Variants in ADCY9 observed in about 807,000 individuals in gnomAD.
ADCY9 encodes adenylate cyclase 9, also known as adenylate cyclase type 9.
In ADCY9, 50 loss-of-function variants were observed where a neutral mutation model predicts 101.5. The ratio of observed to expected loss-of-function variants is 0.49; its 90% CI spans 0.39 to 0.62. The LOEUF (loss-of-function observed/expected upper bound fraction) is 0.62, where lower values mean the gene tolerates loss of function less well. Among genes scored for constraint, ADCY9 ranks in the 20% least tolerant of loss-of-function variants. ADCY9 has a pLI of 0.00. For missense variants in ADCY9, 1,662 were observed against 1,800.4 expected (o/e 0.92, Z 1.39); for synonymous variants, 905 against 769.3 (o/e 1.18, Z -2.92).
intron 2 of ADCY9, among the ~76,000 whole-genome samples, chr16:4,064,433 CTTCACTT>C (rs1460713133): frequency 6.6e-6 from 1 of 152,122 alleles, no homozygotes; most frequent in Non-Finnish European, 1.5e-5. Context: ...ATACTACTCT[CTTCACTT>C]TTGTTTATGT....
chr16:4,061,871 A>G (rs1041227689), intron 2 of ADCY9, among the ~76,000 whole-genome samples: 17 of 152,276 alleles, frequency 1.1e-4, no homozygotes, highest in African/African-American at 3.6e-4. Context: ...AGACAAGTAC[A>G]TATAACAATA....
chr16:3,988,734 C>T (rs1351287221), intron 6 of ADCY9, among the ~76,000 whole-genome samples: 2 of 152,054 alleles, frequency 1.3e-5, no homozygotes, highest in Non-Finnish European at 2.9e-5. Context: ...CTGGGGATAG[C>T]CTGGAGATGC....
At position 3,966,118 on chromosome 16, in the gene ADCY9, T is replaced by A; in HGVS notation, c.3719A>T (p.Tyr1240Phe). 6.2e-7 allele frequency: 1 copy of A among 1,614,202 alleles called. No individual in the cohort carries two copies. Among genetic ancestry groups the A allele is most frequent in the Non-Finnish European group, 8.5e-7 (1 of 1,180,030 alleles). ...NVKGKGQMKT[Y>F]LYPKCTDHRV... ...GTGATCCGTGCACTTTGGGTACAGG[T>A]AGGTCTTCATCTGGCCTTTCCCCTT... Residue 1240 changes from tyrosine (Y) to phenylalanine (F), a missense_variant, in exon 11 of 11, where the codon TAC (tyrosine) becomes TTC (phenylalanine). Coordinates refer to ENST00000294016, the MANE Select transcript of ADCY9 (RefSeq NM_001116.4).
At chr16:4,082,727 T>G (rs1412765337) in intron 2 of ADCY9, among the ~76,000 whole-genome samples, 1 of 139,468 alleles carries the variant, frequency 7.2e-6, no homozygotes, top group African/African-American at 2.7e-5. Context: ...CGCACACACA[T>G]GCACACCCAC....
intron 2 of ADCY9, among the ~76,000 whole-genome samples, chr16:4,097,840 C>G (rs1210251695): frequency 6.6e-6 from 1 of 151,680 alleles, no homozygotes; most frequent in African/African-American, 2.4e-5. Flanking sequence ...AGCCACCATA[C>G]CAGGCTTATA....
intron 6 of ADCY9, chr16:3,984,080 A>T (rs2056169894): frequency 6.6e-6 from 1 of 151,510 alleles, no homozygotes; most frequent in Non-Finnish European, 1.5e-5. Flanking sequence ...CGAAAACAAA[A>T]AAACACAAAA....
At chr16:4,060,155 G>A (rs1369695468) in intron 2 of ADCY9, among the ~76,000 whole-genome samples, 1 of 152,192 alleles carries the variant, frequency 6.6e-6, no homozygotes, top group Non-Finnish European at 1.5e-5. Flanking sequence ...GAAATGTACA[G>A]AAGGTCAACA....
intron 6 of ADCY9, among the ~76,000 whole-genome samples, chr16:3,985,486 G>C (rs1231184685): frequency 6.6e-6 from 1 of 152,220 alleles, no homozygotes; most frequent in South Asian, 2.1e-4. Flanking sequence ...CACCTTGGCA[G>C]AGGCCCACGC....
At chr16:4,044,310 G>A (rs2056647452) in intron 2 of ADCY9, among the ~76,000 whole-genome samples, 1 of 151,732 alleles carries the variant, frequency 6.6e-6, no homozygotes, top group South Asian at 2.1e-4. Context: ...TCGCACCACT[G>A]CACTCCATCC....
chr16:4,006,201 T>A (rs933196875), intron 3 of ADCY9, among the ~76,000 whole-genome samples: 6 of 152,164 alleles, frequency 3.9e-5, no homozygotes, highest in South Asian at 2.1e-4. Flanking sequence ...GTGGGTATGC[T>A]GCCATCTGGC....
At chr16:3,998,789 A>C (rs2056309969) in intron 3 of ADCY9, among the ~76,000 whole-genome samples, 1 of 85,908 alleles carries the variant, frequency 1.2e-5, no homozygotes, top group African/African-American at 3.7e-5. Context: ...AAAAGAAAAG[A>C]AAAGAAAAGA....
In ADCY9 at chr16:3,965,091, T is replaced by C. The variant is rs994116655; in HGVS notation, c.*684A>G. The C allele has an allele frequency of 6.6e-6, 1 of 152,290 alleles. No individual in the cohort carries two copies. Among genetic ancestry groups the C allele is most frequent in the African/African-American group, 2.4e-5 (1 of 41,410 alleles). 9.4% of individuals were successfully genotyped at this position (152,290 alleles called of 1,614,324 possible). ...TTTGCTGTCTTGGCCTGCATGCATG[T>C]GGGCGAGCCCCTAAACCCGCTCAGT... is the stretch of plus-strand genomic sequence containing the variant. On this transcript the variant is annotated 3_prime_UTR_variant, in exon 11 of 11. Transcript: ENST00000294016.
chr16:4,077,531 A>C (rs920084340), intron 2 of ADCY9, among the ~76,000 whole-genome samples: 2 of 152,156 alleles, frequency 1.3e-5, no homozygotes, highest in African/African-American at 2.4e-5. Flanking sequence ...GCACACAGGT[A>C]TATGCACACA....
At position 4,114,642 on chromosome 16, in the gene ADCY9, G is replaced by A; in HGVS notation, c.801C>T (p.Ala267=). The A allele has an allele frequency of 6.2e-7, 1 of 1,613,510 alleles. No homozygotes were observed. Among genetic ancestry groups the A allele is most frequent in the Non-Finnish European group, 8.5e-7 (1 of 1,180,040 alleles). Residue 267 remains alanine (A), a synonymous_variant, in exon 2 of 11, where the codon GCC becomes GCT. Coordinates refer to ENST00000294016, the MANE Select transcript of ADCY9 (RefSeq NM_001116.4). This position sits in a 1 kb window ranked among gnomAD's most constrained non-coding sequence, Gnocchi z 4.3. ...CCCCGGCTCCGGGCGAGGGGAAGCAGGCTTCATCCCGGAAATGGTAGCCAA... is the reference window on the plus strand; with the variant it reads ...CCCCGGCTCCGGGCGAGGGGAAGCAAGCTTCATCCCGGAAATGGTAGCCAA... ...ETFGYHFRDE[A]CFPSPGAGAL... is the part of the protein sequence containing the mutation.
At chr16:4,067,167 G>A (rs1436248588) in intron 2 of ADCY9, among the ~76,000 whole-genome samples, 3 of 152,068 alleles carry the variant, frequency 2.0e-5, no homozygotes, top group Admixed American at 1.3e-4. Flanking sequence ...TTAGAAATAC[G>A]AACTCCTGCC....
chr16:3,969,569 A>AATATATATAAATAT (rs2056029561), intron 10 of ADCY9, among the ~76,000 whole-genome samples: 22 of 45,238 alleles, frequency 4.9e-4, no homozygotes, highest in African/African-American at 1.4e-3. Flanking sequence ...GTTTGTTTGA[A>AATATATATAAATAT]ATATATATAT....
intron 2 of ADCY9, among the ~76,000 whole-genome samples, chr16:4,095,976 C>CAA (rs56897380): frequency 0.28 from 31,527 of 114,594 alleles, 4,584 homozygotes; most frequent in East Asian, 0.36. Context: ...GACTCTATCT[C>CAA]AAAAAAAAAA....
At chr16:4,087,784 T>C (rs2056948795) in intron 2 of ADCY9, among the ~76,000 whole-genome samples, 1 of 152,026 alleles carries the variant, frequency 6.6e-6, no homozygotes, top group African/African-American at 2.4e-5. Flanking sequence ...ACTACAGTCC[T>C]GAAGCAATCC....
intron 3 of ADCY9, among the ~76,000 whole-genome samples, chr16:4,000,840 A>C (rs940717243): frequency 2.0e-5 from 3 of 152,092 alleles, no homozygotes; most frequent in African/African-American, 7.2e-5. Context: ...CCAGCTGTGG[A>C]AACAGTCCAT....
Sources: allele counts gnomAD v4.1 joint callset (sites outside exome capture counted in the v4.1 genomes callset), GRCh38; gene constraint gnomAD v4.1.1; non-coding constraint Gnocchi (gnomAD v3.1); transcripts MANE v1.5; gene names NCBI Gene and HGNC (gene_info 2026-07-23, HGNC 2026-07-21).